The following CLVS1 variants were observed in gnomAD, a reference collection of about 807,000 sequenced individuals.
CLVS1 encodes the protein clavesin 1, also known as clavesin-1.
A neutral mutation model predicts 33.1 loss-of-function variants in CLVS1; 10 were observed. The observed-to-expected ratio is 0.30, with a 90% confidence interval of 0.19 to 0.51. CLVS1 has a LOEUF of 0.51. Ranked by LOEUF, CLVS1 falls within the 20% of genes least tolerant of loss-of-function variation. The pLI is 0.97. For missense variants in CLVS1, 343 were observed against 433.4 expected (o/e 0.79, Z 1.85); for synonymous variants, 163 against 166.1 (o/e 0.98, Z 0.14).
intron 3 of CLVS1, among the ~76,000 whole-genome samples, chr8:61,385,161 A>G (rs1814031285): frequency 1.3e-5 from 2 of 152,232 alleles, no homozygotes; most frequent in South Asian, 4.2e-4. Context: ...TTTCACGAGA[A>G]GAATATATTA....
At chr8:61,244,454 G>T (rs1335204221) in intron 2 of CLVS1, among the ~76,000 whole-genome samples, 1 of 152,156 alleles carries the variant, frequency 6.6e-6, no homozygotes. Context: ...TGTTTCTGAA[G>T]TTGTTGGATG....
intron 5 of CLVS1, among the ~76,000 whole-genome samples, chr8:61,481,110 A>G (rs1215592237): frequency 6.6e-6 from 1 of 152,134 alleles, no homozygotes; most frequent in African/African-American, 2.4e-5. Context: ...GGTGTTGTTG[A>G]CCTGTGAGGG....
At chr8:61,343,633 C>T (rs1812103376) in intron 2 of CLVS1, among the ~76,000 whole-genome samples, 1 of 152,122 alleles carries the variant, frequency 6.6e-6, no homozygotes, top group African/African-American at 2.4e-5. Context: ...AAATGTTAGC[C>T]TAAAGTCAAC....
At chr8:61,019,463 A>T in the CLVS1 span, among the ~76,000 whole-genome samples, 1 of 152,210 alleles carries the variant, frequency 6.6e-6, no homozygotes, top group Non-Finnish European at 1.5e-5. Flanking sequence ...AAAAAAAATA[A>T]ACTTCATCCT....
chr8:61,177,454 C>T (rs112244228), intron 2 of CLVS1, among the ~76,000 whole-genome samples: 5,200 of 152,244 alleles, frequency 0.034, 98 homozygotes, highest in Middle Eastern at 0.041. Context: ...CCCCCCAGTG[C>T]GGCACACCCT....
intron 3 of CLVS1, among the ~76,000 whole-genome samples, chr8:61,445,968 C>T (rs1452457973): frequency 2.0e-5 from 3 of 152,088 alleles, no homozygotes; most frequent in Non-Finnish European, 4.4e-5. Flanking sequence ...GTATTCCCGG[C>T]TTATCCTTTT....
chr8:61,132,241 T>G (rs1041955443), intron 2 of CLVS1, among the ~76,000 whole-genome samples: 14 of 152,216 alleles, frequency 9.2e-5, no homozygotes, highest in African/African-American at 3.1e-4. Flanking sequence ...TTGCCTGAGG[T>G]CTCTTTGGGA....
At chr8:61,270,757 C>A in intron 2 of CLVS1, among the ~76,000 whole-genome samples, 1 of 152,034 alleles carries the variant, frequency 6.6e-6, no homozygotes, top group Non-Finnish European at 1.5e-5. Flanking sequence ...GTGTATGTGT[C>A]GAGGAATTTA....
chr8:60,992,310 C>T, the CLVS1 span, among the ~76,000 whole-genome samples: 39 of 152,176 alleles, frequency 2.6e-4, no homozygotes, highest in African/African-American at 8.9e-4. Context: ...TTCCAAGCTT[C>T]GTATTGAGTG....
intron 2 of CLVS1, among the ~76,000 whole-genome samples, chr8:61,311,249 C>T (rs1488571525): frequency 2.0e-5 from 3 of 152,176 alleles, no homozygotes; most frequent in African/African-American, 7.2e-5. Context: ...TTCCTCGACC[C>T]ACTGCATGTG....
At chr8:61,242,683 T>C (rs1043237577) in intron 2 of CLVS1, among the ~76,000 whole-genome samples, 8 of 151,940 alleles carry the variant, frequency 5.3e-5, no homozygotes, top group Non-Finnish European at 1.2e-4. Flanking sequence ...CAGATACTCA[T>C]TCTGGCTGAG....
At chr8:61,382,481 G>A (rs914206481) in intron 3 of CLVS1, among the ~76,000 whole-genome samples, 1 of 152,140 alleles carries the variant, frequency 6.6e-6, no homozygotes, top group Admixed American at 6.5e-5. Flanking sequence ...ACTGAGAGCT[G>A]GTTAGAAATG....
At chr8:61,266,135 A>T (rs1809297566) in intron 2 of CLVS1, among the ~76,000 whole-genome samples, 1 of 152,178 alleles carries the variant, frequency 6.6e-6, no homozygotes, top group African/African-American at 2.4e-5. Context: ...ATCCTGAAGG[A>T]CAGCAGAAGT....
intron 2 of CLVS1, among the ~76,000 whole-genome samples, chr8:61,227,087 T>C (rs1034505944): frequency 9.9e-5 from 15 of 151,684 alleles, no homozygotes; most frequent in Admixed American, 6.6e-4. Context: ...TCCGAGTAGT[T>C]GGAAGGCACA....
At chr8:61,182,994 C>T (rs562942062) in intron 2 of CLVS1, among the ~76,000 whole-genome samples, 2 of 152,260 alleles carry the variant, frequency 1.3e-5, no homozygotes, top group Admixed American at 1.3e-4. Flanking sequence ...ATGTCCTTTG[C>T]AGGGACATGG....
At chr8:61,361,932 G>T (rs116285908) in intron 2 of CLVS1, among the ~76,000 whole-genome samples, 2,478 of 152,292 alleles carry the variant, frequency 0.016, 76 homozygotes, top group African/African-American at 0.056. Flanking sequence ...AGGAACAAAT[G>T]AGAATTTGTA....
chr8:61,140,235 C>T (rs1311141253), intron 2 of CLVS1, among the ~76,000 whole-genome samples: 1 of 152,162 alleles, frequency 6.6e-6, no homozygotes, highest in Non-Finnish European at 1.5e-5. Flanking sequence ...CTTTGCTGTT[C>T]CCCAGCGTGC....
the CLVS1 span, among the ~76,000 whole-genome samples, chr8:61,047,131 C>T: frequency 9.2e-5 from 14 of 152,100 alleles, no homozygotes; most frequent in Non-Finnish European, 1.2e-4. Context: ...ACAACCCCAT[C>T]GAAAAGTGGG....
chr8:61,039,825 C>T, the CLVS1 span, among the ~76,000 whole-genome samples: 1 of 152,228 alleles, frequency 6.6e-6, no homozygotes, highest in Non-Finnish European at 1.5e-5. Context: ...CAGGCATGAA[C>T]CACTGAGCCC....
Sources: allele counts gnomAD v4.1 joint callset (sites outside exome capture counted in the v4.1 genomes callset), GRCh38; gene constraint gnomAD v4.1.1; transcripts MANE v1.5; gene names NCBI Gene and HGNC (gene_info 2026-07-23, HGNC 2026-07-21).